SLC17A6: variants seen among roughly 807,000 people sequenced by gnomAD.
SLC17A6 encodes vesicular glutamate transporter 2.
In SLC17A6, 35 loss-of-function variants were observed where a neutral mutation model predicts 67.1. The observed-to-expected ratio is 0.52, with a 90% CI of 0.40 to 0.69. The LOEUF (loss-of-function observed/expected upper bound fraction) is 0.69, where lower values mean the gene tolerates loss of function less well. Ranked by LOEUF, SLC17A6 falls within the 30% of genes least tolerant of loss-of-function variation. SLC17A6 has a pLI of 0.00. For synonymous variants in SLC17A6, 285 were observed against 252.3 expected, an observed-to-expected ratio of 1.13 and a Z score of -1.23; for missense variants, 588 against 723.9, an observed-to-expected ratio of 0.81 and a Z score of 2.15.
At chr11:22,366,073 C>T (rs1367649003) in intron 7 of SLC17A6, among the ~76,000 whole-genome samples, 1 of 151,536 alleles carries the variant, frequency 6.6e-6, no homozygotes, top group African/African-American at 2.4e-5. Context: ...TACAGTAGTC[C>T]CCCCGCATCC....
rs762833439 is a variant in SLC17A6, at chr11:22,374,905, A to T, written c.1174+18A>T. The T allele has an allele frequency of 6.3e-7, 1 of 1,599,678 alleles. No individual in the cohort carries two copies. Among genetic ancestry groups the T allele is most frequent in the East Asian group, 2.2e-5 (1 of 44,476 alleles). ...TTGTGGTGGTAAGTACATAAGTGGC[A>T]CTAAGGACATGTTTTTAGTTCAATC... On this transcript the variant is annotated intron_variant, in intron 9 of 11. Transcript: ENST00000263160.
rs969065512 is a variant in SLC17A6, at chr11:22,341,675, C to A, written c.234C>A (p.Gly78=). ...GCTACATTATCGCCATCATGAGCGGCCTGGGCTTCTGCATCTCCTTCGGTA... is the reference window on the plus strand; with the variant it reads ...GCTACATTATCGCCATCATGAGCGGACTGGGCTTCTGCATCTCCTTCGGTA... The part of the protein sequence containing the change: ...PRRYIIAIMS[G]LGFCISFGIR... Residue 78 remains glycine (G), a synonymous_variant, in exon 2 of 12, where the codon GGC becomes GGA. Transcript: ENST00000263160. 6.2e-7 allele frequency: 1 copy of A among 1,614,224 alleles called. No homozygotes were observed. Among genetic ancestry groups the A allele is most frequent in the Non-Finnish European group, 8.5e-7 (1 of 1,180,038 alleles).
intron 6 of SLC17A6, among the ~76,000 whole-genome samples, chr11:22,364,248 G>A (rs752145064): frequency 6.6e-5 from 10 of 152,040 alleles, no homozygotes; most frequent in Admixed American, 3.3e-4. Flanking sequence ...AATTAGCAGC[G>A]TATCTGGCAC....
chr11:22,339,794 G>A (rs1263667105), intron 1 of SLC17A6, among the ~76,000 whole-genome samples: 13 of 152,088 alleles, frequency 8.5e-5, no homozygotes. Flanking sequence ...GATACCGCAA[G>A]GGCCCTGCAG....
intron 8 of SLC17A6, among the ~76,000 whole-genome samples, chr11:22,372,145 GA>G (rs1003697583): frequency 6.6e-6 from 1 of 151,674 alleles, no homozygotes; most frequent in African/African-American, 2.4e-5. Flanking sequence ...GTATCCTACA[GA>G]AAAAAATATG....
At chr11:22,355,745 G>A (rs1855987361) in intron 3 of SLC17A6, among the ~76,000 whole-genome samples, 1 of 152,122 alleles carries the variant, frequency 6.6e-6, no homozygotes. Context: ...TTAGTTTCTG[G>A]TACAGAAGGT....
At position 22,342,577 on chromosome 11, in the gene SLC17A6, TC is replaced by T. The variant is rs548936225; in HGVS notation, c.340-669del. Among the ~76,000 whole-genome samples, 1,159 of 152,254 alleles carry T rather than the reference TC, an allele frequency of 7.6e-3. 19 individuals carry two copies. The highest frequency in any genetic ancestry group is 0.027 in the African/African-American group (1,112 of 41,546). On this transcript the variant is annotated intron_variant, in intron 2 of 11. Transcript: ENST00000263160. The stretch of plus-strand genomic sequence containing the variant: ...GCCCCAGTTTACCTTGAGGTTCCCC[TC>T]GGGGAGTCACCCAGGCTGCTCAGGG...
chr11:22,362,227 C>T, intron 5 of SLC17A6: 1 of 474,458 alleles, frequency 2.1e-6, no homozygotes, highest in Non-Finnish European at 4.1e-6. Context: ...TTGATGACAT[C>T]TTCTGGCCAT....
Position 22,363,280 on chromosome 11 carries a change from A to G in SLC17A6, c.748+455A>G, listed in dbSNP as rs560517044. Among the ~76,000 whole-genome samples, 25 of 152,262 alleles carry G rather than the reference A, an allele frequency of 1.6e-4. No homozygotes were observed. In the South Asian group the frequency reaches 3.9e-3, roughly 24 times the overall value. On this transcript the variant is annotated intron_variant, in intron 6 of 11. Transcript: ENST00000263160. ...GGTGGTGGTGCTAAAGTGACTATTC[A>G]ATTCCGTAATGAAATATCAGCAGTT...
At chr11:22,343,747 A>G (rs1304608259) in intron 3 of SLC17A6, among the ~76,000 whole-genome samples, 2 of 151,610 alleles carry the variant, frequency 1.3e-5, no homozygotes, top group Non-Finnish European at 2.9e-5. Flanking sequence ...TCTCTCCTGC[A>G]CTCCCCGCAG....
chr11:22,341,448 G>A (rs967576274), intron 1 of SLC17A6, 80 bp from the exon 2 acceptor site: 8 of 1,549,956 alleles, frequency 5.2e-6, no homozygotes, highest in Non-Finnish European at 6.9e-6. Flanking sequence ...ACCCCGACGG[G>A]TCCTGAAAAA....
chr11:22,361,514 A>G (rs940950415), intron 5 of SLC17A6, among the ~76,000 whole-genome samples: 1 of 152,092 alleles, frequency 6.6e-6, no homozygotes, highest in Non-Finnish European at 1.5e-5. Flanking sequence ...AATAACTATT[A>G]TAATTTAAAT....
chr11:22,376,167 C>A, intron 10 of SLC17A6, 75 bp downstream of exon 10: 5 of 866,012 alleles, frequency 5.8e-6, no homozygotes, highest in South Asian at 1.9e-5. Context: ...ATACATATAC[C>A]TTTTTATAGA....
chr11:22,359,600 A>G lies in SLC17A6; in HGVS notation c.573+73A>G, dbSNP rs192145904. On this transcript the variant is annotated intron_variant, in intron 4 of 11. Transcript: ENST00000263160. Reference sequence around the variant, plus strand: ...GAACCACCAGTTTATCTTTGTCTTTATCTGTAAATAAATATATTGTATTAG... The same window carrying G: ...GAACCACCAGTTTATCTTTGTCTTTGTCTGTAAATAAATATATTGTATTAG... 1.4e-3 allele frequency: 1,199 copies of G among 837,048 alleles called. 2 individuals carry two copies. The highest frequency in any genetic ancestry group is 6.4e-3 in the Middle Eastern group (27 of 4,216). The allele number at this position is 837,048 out of a possible 1,614,324, so 51.9% of individuals were successfully genotyped here. A position where few individuals can be genotyped will look rare whatever the true frequency, so the allele number is the denominator to read the frequency against.
intron 8 of SLC17A6, among the ~76,000 whole-genome samples, chr11:22,370,625 T>C (rs1438670510): frequency 3.3e-5 from 5 of 152,160 alleles, no homozygotes; most frequent in East Asian, 3.8e-4. Context: ...CTACAAGATA[T>C]GAGGATTGTA....
At chr11:22,374,627 A>G (rs1856212236) in intron 8 of SLC17A6, 128 bp from the exon 9 acceptor site, 8 of 745,084 alleles carry the variant, frequency 1.1e-5, no homozygotes, top group Middle Eastern at 5.8e-4. Context: ...GTAAGTGATC[A>G]TTTGGAAAGA....
chr11:22,356,418 C>A (rs1203807318), intron 3 of SLC17A6, among the ~76,000 whole-genome samples: 1 of 151,920 alleles, frequency 6.6e-6, no homozygotes, highest in African/African-American at 2.4e-5. Context: ...ATTAGGATAA[C>A]AATTATATAA....
intron 3 of SLC17A6, among the ~76,000 whole-genome samples, chr11:22,353,805 T>G (rs780255309): frequency 6.6e-6 from 1 of 152,232 alleles, no homozygotes; most frequent in Non-Finnish European, 1.5e-5. Context: ...TTTGTCTAGC[T>G]TTGTTTTTTC....
At chr11:22,372,778 AAT>A (rs1376154113) in intron 8 of SLC17A6, among the ~76,000 whole-genome samples, 2 of 152,196 alleles carry the variant, frequency 1.3e-5, no homozygotes, top group African/African-American at 4.8e-5. Flanking sequence ...ACCTTAAAAT[AAT>A]AAGCACACTT....
Sources: allele counts gnomAD v4.1 joint callset (sites outside exome capture counted in the v4.1 genomes callset), GRCh38; gene constraint gnomAD v4.1.1; transcripts MANE v1.5; gene names NCBI Gene and HGNC (gene_info 2026-07-23, HGNC 2026-07-21).